Variants in TMCC1 observed in about 807,000 individuals in gnomAD.
The protein encoded by TMCC1 is transmembrane and coiled-coil domains protein 1.
A neutral mutation model predicts 52.4 loss-of-function variants in TMCC1; 15 were observed. The observed-to-expected ratio is 0.29, with a 90% CI of 0.19 to 0.44. TMCC1 has a LOEUF of 0.44. Ranked by LOEUF, TMCC1 falls within the 20% of genes least tolerant of loss-of-function variation. The pLI is 1.00. For synonymous variants in TMCC1, 279 were observed against 301.9 expected (o/e 0.92, Z 0.79); for missense variants, 503 against 806.0 (o/e 0.62, Z 4.55).
At chr3:129,750,959 G>GGATTT (rs2052456558) in intron 4 of TMCC1, among the ~76,000 whole-genome samples, 2 of 151,312 alleles carry the variant, frequency 1.3e-5, no homozygotes, top group Non-Finnish European at 3.0e-5. Flanking sequence ...CAGCACTTTG[G>GGATTT]GAGGCCGAGG....
At chr3:129,730,010 A>G (rs1158650157) in intron 4 of TMCC1, among the ~76,000 whole-genome samples, 4 of 152,072 alleles carry the variant, frequency 2.6e-5, no homozygotes, top group Non-Finnish European at 4.4e-5. Flanking sequence ...AAAATAGAAA[A>G]ATAATTTATT....
intron 2 of TMCC1, among the ~76,000 whole-genome samples, chr3:129,844,627 C>T (rs2059577270): frequency 6.6e-6 from 1 of 152,184 alleles, no homozygotes; most frequent in South Asian, 2.1e-4. Context: ...ACGGTAACCG[C>T]AAGAAAGGTG....
At chr3:129,667,745 C>T (rs957087508) in intron 5 of TMCC1, among the ~76,000 whole-genome samples, 4 of 152,186 alleles carry the variant, frequency 2.6e-5, no homozygotes, top group African/African-American at 4.8e-5. Flanking sequence ...CTCCGACTTA[C>T]ACTAAATGGA....
intron 4 of TMCC1, among the ~76,000 whole-genome samples, chr3:129,810,579 C>G (rs377303417): frequency 1.3e-5 from 2 of 152,118 alleles, no homozygotes; most frequent in Admixed American, 1.3e-4. Flanking sequence ...TCTTAAGGCT[C>G]AATGGGCAAA....
intron 4 of TMCC1, among the ~76,000 whole-genome samples, chr3:129,754,498 C>T (rs187263434): frequency 2.0e-5 from 3 of 152,114 alleles, no homozygotes; most frequent in South Asian, 2.1e-4. Flanking sequence ...AGGGTAATAC[C>T]GGAGGAAGGA....
chr3:129,816,767 T>C (rs780790699), intron 4 of TMCC1, among the ~76,000 whole-genome samples: 11 of 152,178 alleles, frequency 7.2e-5, no homozygotes, highest in Non-Finnish European at 1.0e-4. Context: ...CTCATGCTTG[T>C]AATCCTAACA....
chr3:129,655,494 C>T (rs1300364335), intron 5 of TMCC1, among the ~76,000 whole-genome samples: 1 of 152,166 alleles, frequency 6.6e-6, no homozygotes, highest in Non-Finnish European at 1.5e-5. Flanking sequence ...TGGAAACCAA[C>T]CTTCTGGCAG....
intron 4 of TMCC1, among the ~76,000 whole-genome samples, chr3:129,766,297 T>C (rs949727594): frequency 3.9e-5 from 6 of 152,204 alleles, no homozygotes; most frequent in African/African-American, 1.4e-4. Flanking sequence ...TGTGTTGAGA[T>C]GCCATGCCAG....
intron 3 of TMCC1, among the ~76,000 whole-genome samples, chr3:129,832,400 G>T (rs2058962595): frequency 6.6e-6 from 1 of 152,068 alleles, no homozygotes; most frequent in South Asian, 2.1e-4. Context: ...GTGAGGAAGG[G>T]GGACAAAAAA....
At chr3:129,677,114 A>T (rs538873792) in intron 4 of TMCC1, among the ~76,000 whole-genome samples, 1 of 151,656 alleles carries the variant, frequency 6.6e-6, no homozygotes, top group South Asian at 2.1e-4. Context: ...AAAAAAAAAA[A>T]TTTGGCCGGG....
At chr3:129,682,828 C>T (rs1021572839) in intron 4 of TMCC1, among the ~76,000 whole-genome samples, 4 of 151,942 alleles carry the variant, frequency 2.6e-5, no homozygotes, top group African/African-American at 9.7e-5. Flanking sequence ...CCCCTTCTTG[C>T]CAAAGTTTTT....
At chr3:129,761,742 G>A (rs1043463200) in intron 4 of TMCC1, among the ~76,000 whole-genome samples, 83 of 152,188 alleles carry the variant, frequency 5.5e-4, no homozygotes, top group African/African-American at 2.0e-3. Flanking sequence ...TGTAATCCCT[G>A]CACTTTGGGA....
intron 4 of TMCC1, among the ~76,000 whole-genome samples, chr3:129,676,610 C>T (rs1267165340): frequency 6.6e-6 from 1 of 152,176 alleles, no homozygotes; most frequent in Non-Finnish European, 1.5e-5. Context: ...GCTCTGTCTA[C>T]TTTCTCTAAG....
intron 4 of TMCC1, among the ~76,000 whole-genome samples, chr3:129,811,812 C>A (rs1219022008): frequency 3.3e-5 from 5 of 151,750 alleles, no homozygotes; most frequent in Non-Finnish European, 7.4e-5. Flanking sequence ...GGCGTGGTGG[C>A]ATGCGCCTGT....
intron 4 of TMCC1, among the ~76,000 whole-genome samples, chr3:129,715,562 T>C (rs2049016490): frequency 6.6e-6 from 1 of 151,922 alleles, no homozygotes; most frequent in East Asian, 1.9e-4. Context: ...AAACAAACAC[T>C]CTCTATCTGC....
intron 1 of TMCC1, among the ~76,000 whole-genome samples, chr3:129,892,991 C>T (rs1328455480): frequency 1.3e-5 from 2 of 152,144 alleles, no homozygotes; most frequent in Non-Finnish European, 1.5e-5. Flanking sequence ...TCCCTCCTCC[C>T]CTCGAAAGAC....
chr3:129,704,547 T>C (rs927632553), intron 4 of TMCC1, among the ~76,000 whole-genome samples: 2 of 152,108 alleles, frequency 1.3e-5, no homozygotes, highest in African/African-American at 4.8e-5. Flanking sequence ...GCCTCCTGAG[T>C]AGCTGGGATT....
chr3:129,753,757 G>GA (rs2052741801), intron 4 of TMCC1, among the ~76,000 whole-genome samples: 1 of 152,116 alleles, frequency 6.6e-6, no homozygotes, highest in African/African-American at 2.4e-5. Flanking sequence ...AATGGTGAGA[G>GA]AATGAATGCT....
chr3:129,838,036 C>T (rs1164052502), intron 2 of TMCC1, among the ~76,000 whole-genome samples: 1 of 152,128 alleles, frequency 6.6e-6, no homozygotes, highest in Non-Finnish European at 1.5e-5. Flanking sequence ...GAAGAAGAGA[C>T]AACAGAGAAG....
Sources: gnomAD v4.1 joint callset for allele counts (sites outside exome capture counted in the v4.1 genomes callset) on GRCh38, gnomAD v4.1.1 for gene constraint, MANE v1.5 for transcripts, NCBI Gene and HGNC (gene_info 2026-07-23, HGNC 2026-07-21) for gene names.